Variants in RPS6KA2 observed in about 807,000 individuals in gnomAD.
RPS6KA2 encodes the protein ribosomal protein S6 kinase alpha-2.
In RPS6KA2, 42 loss-of-function variants were observed where a neutral mutation model predicts 91.8. The ratio of observed to expected loss-of-function variants is 0.46; its 90% confidence interval spans 0.36 to 0.59. RPS6KA2 has a LOEUF of 0.59. Among genes scored for constraint, RPS6KA2 ranks in the 20% least tolerant of loss-of-function variants. RPS6KA2 has a pLI of 0.00. For synonymous variants in RPS6KA2, 414 were observed against 393.6 expected, an observed-to-expected ratio of 1.05 and a Z score of -0.61; for missense variants, 798 against 978.5, an observed-to-expected ratio of 0.82 and a Z score of 2.46.
intron 2 of RPS6KA2, among the ~76,000 whole-genome samples, chr6:166,829,589 CAAAAAAA>C (rs57711560): frequency 6.2e-5 from 6 of 96,896 alleles, no homozygotes; most frequent in African/African-American, 9.4e-5. Context: ...GACTCTGTCT[CAAAAAAA>C]AAAAAAAAAA....
rs796823929 is a variant in RPS6KA2, at chr6:166,496,601, C to G, written c.747+1907G>C. 2.0e-5 allele frequency among the ~76,000 whole-genome samples: 3 copies of G among 149,216 alleles called. No homozygotes were observed. In the South Asian group the frequency reaches 6.2e-4, roughly 31 times the overall value. Reference sequence around the variant, plus strand: ...CTCCACTCCAGCCTGGCCTCTTGTTCTTTTTAAACATTGGTTCACCTGAGA... The same window carrying G: ...CTCCACTCCAGCCTGGCCTCTTGTTGTTTTTAAACATTGGTTCACCTGAGA... On this transcript the variant is annotated intron_variant, in intron 8 of 20. Transcript: ENST00000265678.
rs113412109 is a variant in RPS6KA2, at chr6:166,817,677, G to A, written c.123+40523C>T. The stretch of plus-strand genomic sequence containing the variant: ...TGCATTATTTTTTATCTTTCTGTAT[G>A]CAATTCAATACCACCTTTTTGGCCA... On this transcript the variant is annotated intron_variant, in intron 2 of 21. Coordinates refer to the RPS6KA2 transcript ENST00000503859. Among the ~76,000 whole-genome samples, 884 of 151,750 alleles carry A rather than the reference G, an allele frequency of 5.8e-3. 10 individuals carry two copies. The highest frequency in any genetic ancestry group is 8.2e-3 in the Non-Finnish European group (554 of 67,954).
chr6:166,720,562 G>A (rs1790144547), intron 2 of RPS6KA2, among the ~76,000 whole-genome samples: 1 of 152,068 alleles, frequency 6.6e-6, no homozygotes, highest in Admixed American at 6.6e-5. Flanking sequence ...GAGAAAGAAA[G>A]GCATTATCAA....
intron 2 of RPS6KA2, among the ~76,000 whole-genome samples, chr6:166,760,657 C>T (rs187835672): frequency 1.3e-5 from 2 of 152,308 alleles, no homozygotes; most frequent in Admixed American, 6.5e-5. Flanking sequence ...TTGCTGGAAT[C>T]GCTTGAAATA....
intron 1 of RPS6KA2, among the ~76,000 whole-genome samples, chr6:166,588,814 G>A (rs1418555318): frequency 1.3e-5 from 2 of 152,142 alleles, no homozygotes; most frequent in South Asian, 2.1e-4. Flanking sequence ...GACAGGGTGC[G>A]GCAGCCAATG....
intron 1 of RPS6KA2, among the ~76,000 whole-genome samples, chr6:166,620,948 G>A (rs970632087): frequency 7.9e-5 from 12 of 152,166 alleles, no homozygotes; most frequent in African/African-American, 2.4e-4. Flanking sequence ...GACTGGCACC[G>A]AGCAGGGGCA....
At chr6:166,812,398 C>T (rs534711632) in intron 2 of RPS6KA2, among the ~76,000 whole-genome samples, 1 of 152,294 alleles carries the variant, frequency 6.6e-6, no homozygotes, top group African/African-American at 2.4e-5. Flanking sequence ...ATGTTGGCAG[C>T]TCCCTCCCAG....
chr6:166,432,227 A>AGACTT (rs1779157897), intron 15 of RPS6KA2, among the ~76,000 whole-genome samples, 174 bp downstream of exon 15: 2 of 152,218 alleles, frequency 1.3e-5, no homozygotes, highest in Admixed American at 1.3e-4. Flanking sequence ...GCTGTCAAAA[A>AGACTT]GACTTGAGTA....
At chr6:166,480,062 T>A (rs574870355) in intron 10 of RPS6KA2, among the ~76,000 whole-genome samples, 1 of 152,072 alleles carries the variant, frequency 6.6e-6, no homozygotes, top group Non-Finnish European at 1.5e-5. Flanking sequence ...GTGAATATAT[T>A]TGAAGGATAT....
chr6:166,854,997 G>A (rs917549133), intron 2 of RPS6KA2, among the ~76,000 whole-genome samples: 3 of 152,154 alleles, frequency 2.0e-5, no homozygotes, highest in African/African-American at 7.2e-5. Flanking sequence ...ATACATCATG[G>A]AATACTATTC....
At chr6:166,473,204 T>TC (rs1394978021) in intron 10 of RPS6KA2, among the ~76,000 whole-genome samples, 1 of 152,106 alleles carries the variant, frequency 6.6e-6, no homozygotes, top group African/African-American at 2.4e-5. Flanking sequence ...GATTTTTTTT[T>TC]TTATTTTGGG....
At chr6:166,594,563 C>T (rs980831769) in intron 1 of RPS6KA2, among the ~76,000 whole-genome samples, 13 of 152,168 alleles carry the variant, frequency 8.5e-5, no homozygotes, top group African/African-American at 2.4e-4. Flanking sequence ...CCCGGGTTCA[C>T]GCCATTCTCC....
intron 2 of RPS6KA2, among the ~76,000 whole-genome samples, chr6:166,827,123 C>T (rs1780066323): frequency 6.6e-6 from 1 of 151,938 alleles, no homozygotes; most frequent in Non-Finnish European, 1.5e-5. Flanking sequence ...AATGGAGTCA[C>T]TAAAGTTAAG....
chr6:166,445,007 G>A lies in RPS6KA2; in HGVS notation c.1332+3717C>T, dbSNP rs1779633593. ...AACTGGTTTCAGTAGAACCTTAAATGTAGTTTACGTTATTCAGGGTAATTA... is the reference window on the plus strand; with the variant it reads ...AACTGGTTTCAGTAGAACCTTAAATATAGTTTACGTTATTCAGGGTAATTA... On this transcript the variant is annotated intron_variant, in intron 14 of 20. Coordinates refer to ENST00000265678, the MANE Select transcript of RPS6KA2 (RefSeq NM_021135.6). The surrounding 1 kb of genome is among the most constrained non-coding windows in gnomAD (Gnocchi z 4.5). Among the ~76,000 whole-genome samples the A allele has an allele frequency of 6.6e-6, 1 of 152,174 alleles. No individual in the cohort carries two copies. Among genetic ancestry groups the A allele is most frequent in the East Asian group, 1.9e-4 (1 of 5,202 alleles).
chr6:166,761,027 C>A (rs1488428851), intron 2 of RPS6KA2, among the ~76,000 whole-genome samples: 1 of 152,138 alleles, frequency 6.6e-6, no homozygotes, highest in African/African-American at 2.4e-5. Flanking sequence ...TGTGAGTTTG[C>A]GAACTGAATG....
chr6:166,476,437 T>C (rs751100102), intron 10 of RPS6KA2, among the ~76,000 whole-genome samples: 7 of 152,192 alleles, frequency 4.6e-5, no homozygotes, highest in Non-Finnish European at 8.8e-5. Context: ...CGCTGGGCAT[T>C]AGAGACGTGT....
At chr6:166,699,125 G>A (rs544133060) in intron 2 of RPS6KA2, among the ~76,000 whole-genome samples, 14 of 152,296 alleles carry the variant, frequency 9.2e-5, no homozygotes, top group African/African-American at 3.1e-4. Flanking sequence ...GAGGAGAGGA[G>A]AGGCGGCATC....
intron 1 of RPS6KA2, among the ~76,000 whole-genome samples, chr6:166,610,168 C>A (rs139703814): frequency 7.2e-5 from 11 of 152,296 alleles, no homozygotes; most frequent in African/African-American, 2.6e-4. Context: ...TATATAAGCA[C>A]GTGTGGCATC....
chr6:166,564,174 G>C (rs1382627112), intron 1 of RPS6KA2, among the ~76,000 whole-genome samples: 1 of 152,180 alleles, frequency 6.6e-6, no homozygotes, highest in Non-Finnish European at 1.5e-5. Context: ...AAGCAGTGAG[G>C]CTGAGTTTTC....
Sources: gnomAD v4.1 joint callset for allele counts (sites outside exome capture counted in the v4.1 genomes callset) on GRCh38, gnomAD v4.1.1 for gene constraint, Gnocchi (gnomAD v3.1) non-coding constraint, MANE v1.5 for transcripts, NCBI Gene and HGNC (gene_info 2026-07-23, HGNC 2026-07-21) for gene names.